The following IGSF21 variants were observed in gnomAD, a reference collection of about 807,000 sequenced individuals.
IGSF21 encodes immunoglobin superfamily member 21.
In IGSF21, 28 loss-of-function variants were observed where a neutral mutation model predicts 46.8. The observed-to-expected ratio is 0.60, with a 90% CI of 0.44 to 0.82. The LOEUF is 0.82. Among genes scored for constraint, IGSF21 ranks in the 40% least tolerant of loss-of-function variants. The pLI is 0.00. For synonymous variants in IGSF21, 284 were observed against 273.6 expected, an observed-to-expected ratio of 1.04 and a Z score of -0.38; for missense variants, 624 against 665.5, an observed-to-expected ratio of 0.94 and a Z score of 0.69.
intron 1 of IGSF21, among the ~76,000 whole-genome samples, chr1:18,131,916 G>A (rs188209467): frequency 2.6e-5 from 4 of 152,318 alleles, no homozygotes; most frequent in African/African-American, 9.6e-5. Flanking sequence ...TGGTAGGGGT[G>A]GGGGTTGAGG....
intron 3 of IGSF21, among the ~76,000 whole-genome samples, chr1:18,333,546 T>A (rs1353147286): frequency 6.6e-6 from 1 of 152,176 alleles, no homozygotes; most frequent in African/African-American, 2.4e-5. Context: ...GGAAGTAGCA[T>A]CTCCACTGTT....
intron 1 of IGSF21, among the ~76,000 whole-genome samples, chr1:18,119,434 C>G (rs1253106463): frequency 6.6e-6 from 1 of 152,346 alleles, no homozygotes; most frequent in East Asian, 1.9e-4. Context: ...AAGTGCTCAA[C>G]AGTGATTGGC....
At chr1:18,228,951 G>T (rs1199599969) in intron 2 of IGSF21, among the ~76,000 whole-genome samples, 1 of 152,158 alleles carries the variant, frequency 6.6e-6, no homozygotes, top group East Asian at 1.9e-4. Flanking sequence ...CTTTACTCAT[G>T]GGCACCAAAG....
intron 1 of IGSF21, among the ~76,000 whole-genome samples, chr1:18,148,129 CT>C (rs58426436): frequency 0.011 from 1,216 of 108,266 alleles, 17 homozygotes; most frequent in African/African-American, 0.041. Flanking sequence ...CAAGTATGTC[CT>C]TTTTTTTTTT....
At chr1:18,146,553 A>G (rs2086468778) in intron 1 of IGSF21, among the ~76,000 whole-genome samples, 1 of 152,138 alleles carries the variant, frequency 6.6e-6, no homozygotes, top group South Asian at 2.1e-4. Flanking sequence ...ACACCAGCCC[A>G]ACCACATGCT....
At chr1:18,209,485 C>T (rs2084367227) in intron 1 of IGSF21, among the ~76,000 whole-genome samples, 1 of 151,724 alleles carries the variant, frequency 6.6e-6, no homozygotes, top group African/African-American at 2.4e-5. Flanking sequence ...GACAGAGTCT[C>T]ACTCTGTCGC....
At chr1:18,231,039 C>T (rs918003101) in intron 2 of IGSF21, among the ~76,000 whole-genome samples, 1 of 152,090 alleles carries the variant, frequency 6.6e-6, no homozygotes, top group East Asian at 1.9e-4. Flanking sequence ...GCTTACAGAG[C>T]CCGGCTTGGA....
chr1:18,309,274 C>T (rs2085457064), intron 3 of IGSF21, among the ~76,000 whole-genome samples: 1 of 152,138 alleles, frequency 6.6e-6, no homozygotes, highest in Non-Finnish European at 1.5e-5. Context: ...AATGATGCCA[C>T]TGTTTGCTAA....
Position 18,273,244 on chromosome 1 carries a change from T to C in IGSF21, c.184-18622T>C, listed in dbSNP as rs181623382. ...TTAGTAGAGACGGGGTTTCACCATA[T>C]TGGCCAGGCTGGTCTTGAACTCCTG... On this transcript the variant is annotated intron_variant, in intron 2 of 9. Coordinates refer to ENST00000251296, the MANE Select transcript of IGSF21 (RefSeq NM_032880.5). Among the ~76,000 whole-genome samples, 1,213 of 151,742 alleles carry C rather than the reference T, an allele frequency of 8.0e-3. 7 individuals carry two copies. Among genetic ancestry groups the C allele is most frequent in the Middle Eastern group, 0.045 (13 of 290 alleles).
At chr1:18,262,516 G>A (rs1265242478) in intron 2 of IGSF21, among the ~76,000 whole-genome samples, 3 of 152,202 alleles carry the variant, frequency 2.0e-5, no homozygotes, top group African/African-American at 7.2e-5. Context: ...CAACATCGGT[G>A]TCATTATGGA....
chr1:18,218,297 G>A (rs1005342641), intron 1 of IGSF21, among the ~76,000 whole-genome samples: 1 of 152,154 alleles, frequency 6.6e-6, no homozygotes, highest in African/African-American at 2.4e-5. Context: ...ATTATCAAGA[G>A]AGCAGCAAGG....
At chr1:18,325,489 A>G (rs1302600140) in intron 3 of IGSF21, among the ~76,000 whole-genome samples, 1 of 152,074 alleles carries the variant, frequency 6.6e-6, no homozygotes, top group African/African-American at 2.4e-5. Context: ...GGCTGGTTAG[A>G]AATTCTCAGG....
intron 1 of IGSF21, among the ~76,000 whole-genome samples, chr1:18,195,296 G>T (rs1443113829): frequency 6.6e-6 from 1 of 152,224 alleles, no homozygotes; most frequent in Non-Finnish European, 1.5e-5. Context: ...GTCTCCAGGG[G>T]ATGGAATGTC....
chr1:18,287,610 G>A (rs572818976), intron 2 of IGSF21, among the ~76,000 whole-genome samples: 2 of 152,172 alleles, frequency 1.3e-5, no homozygotes, highest in African/African-American at 2.4e-5. Flanking sequence ...TGTCTGCCTT[G>A]TCACCTCTGT....
At chr1:18,236,972 G>T (rs2084678919) in intron 2 of IGSF21, among the ~76,000 whole-genome samples, 1 of 152,194 alleles carries the variant, frequency 6.6e-6, no homozygotes, top group South Asian at 2.1e-4. Flanking sequence ...ACATGGCCTT[G>T]AGATTTTGTC....
At chr1:18,227,253 G>A (rs966650846) in intron 1 of IGSF21, among the ~76,000 whole-genome samples, 1 of 152,092 alleles carries the variant, frequency 6.6e-6, no homozygotes, top group Non-Finnish European at 1.5e-5. Context: ...GAAGCCAATG[G>A]TGGTTTCCCA....
Position 18,378,458 on chromosome 1 carries a change from T to A in IGSF21, c.*132T>A. ...TCTTGGCTTCTTCAGTCGGTTTAATTAAAACAAACAGAACAATTTTCCCCA... is the reference window on the plus strand; with the variant it reads ...TCTTGGCTTCTTCAGTCGGTTTAATAAAAACAAACAGAACAATTTTCCCCA... On this transcript the variant is annotated 3_prime_UTR_variant, in exon 10 of 10. Coordinates refer to ENST00000251296, the MANE Select transcript of IGSF21 (RefSeq NM_032880.5). The A allele has an allele frequency of 1.3e-6, 1 of 756,942 alleles. No homozygotes were observed. Among genetic ancestry groups the A allele is most frequent in the Non-Finnish European group, 2.1e-6 (1 of 468,900 alleles). The allele number at this position is 756,942 out of a possible 1,614,324, so 46.9% of individuals were successfully genotyped here. A position where few individuals can be genotyped will look rare whatever the true frequency, so the allele number is the denominator to read the frequency against.
intron 2 of IGSF21, among the ~76,000 whole-genome samples, chr1:18,257,812 T>C (rs989281061): frequency 1.3e-5 from 2 of 152,138 alleles, no homozygotes; most frequent in Non-Finnish European, 2.9e-5. Flanking sequence ...TCCTTGAGGC[T>C]CTTCTCTTTG....
At chr1:18,267,883 G>A (rs887191992) in intron 2 of IGSF21, among the ~76,000 whole-genome samples, 5 of 152,220 alleles carry the variant, frequency 3.3e-5, no homozygotes, top group Non-Finnish European at 7.3e-5. Flanking sequence ...CTCATGTATT[G>A]TCTGCAATAA....
Sources: gnomAD v4.1 joint callset for allele counts (sites outside exome capture counted in the v4.1 genomes callset) on GRCh38, gnomAD v4.1.1 for gene constraint, MANE v1.5 for transcripts, NCBI Gene and HGNC (gene_info 2026-07-23, HGNC 2026-07-21) for gene names.